Variants in LANCL2 observed in about 807,000 individuals in gnomAD.
LANCL2 encodes lanC-like protein 2.
LANCL2 carries 33 observed loss-of-function variants against 56.9 expected under a neutral mutation model. That is an observed-to-expected ratio of 0.58 (90% confidence interval 0.44 to 0.78). LANCL2 has a LOEUF of 0.78. LANCL2 is among the 30% of genes least tolerant of loss of function. The pLI is 0.00. For missense variants in LANCL2, 562 were observed against 580.2 expected (o/e 0.97, Z 0.32); for synonymous variants, 233 against 228.2 (o/e 1.02, Z -0.19).
intron 5 of LANCL2, among the ~76,000 whole-genome samples, chr7:55,408,931 G>A (rs1229263978): frequency 1.4e-5 from 2 of 148,034 alleles, no homozygotes; most frequent in African/African-American, 5.0e-5. Context: ...GCAGTGAGCC[G>A]AGATCGTGCC....
intron 5 of LANCL2, among the ~76,000 whole-genome samples, chr7:55,411,554 G>A (rs1790469957): frequency 6.6e-6 from 1 of 152,200 alleles, no homozygotes; most frequent in Non-Finnish European, 1.5e-5. Flanking sequence ...GGCTTTTTAG[G>A]AGGTGTGAGC....
intron 2 of LANCL2, among the ~76,000 whole-genome samples, chr7:55,397,654 T>TCC (rs1790270131): frequency 8.4e-6 from 1 of 119,432 alleles, no homozygotes; most frequent in East Asian, 2.1e-4. Context: ...TTTATACTGA[T>TCC]TCTTTTTTTT....
intron 1 of LANCL2, among the ~76,000 whole-genome samples, chr7:55,374,188 C>T (rs1789975733): frequency 6.6e-6 from 1 of 150,444 alleles, no homozygotes; most frequent in Non-Finnish European, 1.5e-5. Context: ...GTCCTTGGTT[C>T]TTTATTGCAA....
chr7:55,388,048 A>G (rs1790145560), intron 1 of LANCL2, among the ~76,000 whole-genome samples: 1 of 152,230 alleles, frequency 6.6e-6, no homozygotes, highest in Non-Finnish European at 1.5e-5. Context: ...AAAATTCTAC[A>G]TAACTCTACA....
At position 55,432,902 on chromosome 7, in the gene LANCL2, A is replaced by T. The variant is rs1790746873; in HGVS notation, c.*1582A>T. ...TTTACCTGGCCTCCAGGGCCTGTTG[A>T]TGGGCTTTGCAGGCAGTCCAGCAGC... On this transcript the variant is annotated 3_prime_UTR_variant, in exon 9 of 9. Transcript: ENST00000254770. The T allele has an allele frequency of 6.6e-6, 1 of 152,226 alleles. No homozygotes were observed. 9.4% of individuals were successfully genotyped at this position (152,226 alleles called of 1,614,324 possible). A position where few individuals can be genotyped will look rare whatever the true frequency, so the allele number is the denominator to read the frequency against.
At chr7:55,401,464 C>G in intron 5 of LANCL2, 144 bp downstream of exon 5, 2 of 468,514 alleles carry the variant, frequency 4.3e-6, no homozygotes, top group East Asian at 4.1e-5. Context: ...AAACCACAGG[C>G]AGTGGATTTC....
At chr7:55,411,803 C>A in intron 5 of LANCL2, 104 bp from the exon 6 acceptor site, 2 of 1,129,476 alleles carry the variant, frequency 1.8e-6, no homozygotes, top group Non-Finnish European at 2.5e-6. Context: ...ATTTTATGTG[C>A]TTTTTTTGTT....
intron 5 of LANCL2, among the ~76,000 whole-genome samples, chr7:55,408,394 C>T (rs775555155): frequency 1.3e-4 from 20 of 152,004 alleles, no homozygotes; most frequent in Non-Finnish European, 2.1e-4. Context: ...AGGCTGGGCG[C>T]AGTGGCTCAT....
Position 55,433,111 on chromosome 7 carries a change from G to A in LANCL2, c.*1791G>A, listed in dbSNP as rs536479732. ...CCTCCCCATTTCTCAAGGGAAGCCA[G>A]TAGGCAACACAGCCAGCACGGTGCT... On this transcript the variant is annotated 3_prime_UTR_variant, in exon 9 of 9. Transcript: ENST00000254770. 1.7e-4 allele frequency: 26 copies of A among 152,588 alleles called. No homozygotes were observed. Among genetic ancestry groups the A allele is most frequent in the African/African-American group, 6.0e-4 (25 of 41,594 alleles). 9.5% of individuals were successfully genotyped at this position (152,588 alleles called of 1,614,324 possible).
intron 1 of LANCL2, among the ~76,000 whole-genome samples, chr7:55,376,409 T>C (rs1031262273): frequency 1.3e-5 from 2 of 152,214 alleles, no homozygotes; most frequent in African/African-American, 4.8e-5. Context: ...CCTCAGCTTT[T>C]AGCCCATTGA....
chr7:55,398,626 A>G lies in LANCL2; in HGVS notation c.526A>G (p.Thr176Ala), dbSNP rs760104845. ...TGACTGTGAGTCCCAGGAATGTGTCACAAAGTGAGTTTTAGAACTGGAAAC... is the reference window on the plus strand; with the variant it reads ...TGACTGTGAGTCCCAGGAATGTGTCGCAAAGTGAGTTTTAGAACTGGAAAC... ...RSDCESQECV[T>A]KLLQLQRSVV... is the part of the protein sequence containing the mutation. Residue 176 changes from threonine to alanine, a missense_variant, in exon 3 of 9, where the codon ACA (threonine) becomes GCA (alanine). Transcript: ENST00000254770. The G allele has an allele frequency of 1.9e-6, 3 of 1,612,018 alleles. No individual in the cohort carries two copies. The highest frequency in any genetic ancestry group is 8.5e-7 in the Non-Finnish European group (1 of 1,178,768).
chr7:55,400,767 A>G (rs893598603), intron 4 of LANCL2, among the ~76,000 whole-genome samples: 1 of 152,226 alleles, frequency 6.6e-6, no homozygotes, highest in African/African-American at 2.4e-5. Context: ...AGCAGACCTC[A>G]TATCATTAGC....
chr7:55,418,266 C>G (rs1343960076), intron 6 of LANCL2, among the ~76,000 whole-genome samples: 1 of 151,720 alleles, frequency 6.6e-6, no homozygotes, highest in Non-Finnish European at 1.5e-5. Context: ...ACTGCAGCCT[C>G]TACCTCCCCA....
intron 1 of LANCL2, among the ~76,000 whole-genome samples, chr7:55,375,911 C>G (rs1277698766): frequency 1.1e-4 from 17 of 152,234 alleles, no homozygotes; most frequent in Admixed American, 7.2e-4. Flanking sequence ...ATGGTCCTTA[C>G]AGCAGCCGCA....
chr7:55,376,097 G>A (rs1789997069), intron 1 of LANCL2, among the ~76,000 whole-genome samples: 2 of 152,294 alleles, frequency 1.3e-5, no homozygotes, highest in South Asian at 4.1e-4. Context: ...CAGGTTCCAG[G>A]ACATCTTTGG....
intron 6 of LANCL2, among the ~76,000 whole-genome samples, chr7:55,420,623 A>G (rs145817986): frequency 1.6e-4 from 25 of 152,340 alleles, no homozygotes; most frequent in African/African-American, 5.5e-4. Flanking sequence ...TGACCCAGAT[A>G]GTAAATATTT....
intron 1 of LANCL2, among the ~76,000 whole-genome samples, chr7:55,384,170 A>G (rs1346214008): frequency 6.6e-6 from 1 of 152,238 alleles, no homozygotes; most frequent in African/African-American, 2.4e-5. Context: ...AATTGGAATC[A>G]TAGAAGGGAA....
At chr7:55,376,719 T>A (rs1221451740) in intron 1 of LANCL2, among the ~76,000 whole-genome samples, 1 of 152,250 alleles carries the variant, frequency 6.6e-6, no homozygotes, top group Non-Finnish European at 1.5e-5. Context: ...TATACCATAT[T>A]TGATATTGCT....
chr7:55,387,443 C>T (rs1347134277), intron 1 of LANCL2, among the ~76,000 whole-genome samples: 2 of 152,024 alleles, frequency 1.3e-5, no homozygotes, highest in Non-Finnish European at 2.9e-5. Context: ...CTATCCTAGG[C>T]CTCCTCCAGG....
Sources: allele counts gnomAD v4.1 joint callset (sites outside exome capture counted in the v4.1 genomes callset), GRCh38; gene constraint gnomAD v4.1.1; transcripts MANE v1.5; gene names NCBI Gene and HGNC (gene_info 2026-07-23, HGNC 2026-07-21).